FIGN: variants seen among roughly 807,000 people sequenced by gnomAD.
FIGN encodes fidgetin, microtubule severing factor.
A neutral mutation model predicts 51.3 loss-of-function variants in FIGN; 11 were observed. That is an observed-to-expected ratio of 0.21 (90% CI 0.13 to 0.35). The LOEUF is 0.35. Ranked by LOEUF, FIGN falls within the 10% of genes least tolerant of loss-of-function variation. The probability of loss-of-function intolerance (pLI) is 1.00; values close to 1 mark genes in which losing one functional copy is unlikely to be tolerated. For missense variants in FIGN, 857 were observed against 943.6 expected (o/e 0.91, Z 1.20); for synonymous variants, 407 against 363.2 (o/e 1.12, Z -1.37).
chr2:163,715,244 T>C (rs1487308770), intron 2 of FIGN, among the ~76,000 whole-genome samples: 1 of 152,164 alleles, frequency 6.6e-6, no homozygotes, highest in African/African-American at 2.4e-5. Context: ...AATGCCTCAG[T>C]ACTCGAGCTC....
intron 2 of FIGN, among the ~76,000 whole-genome samples, chr2:163,732,761 G>T (rs1189488070): frequency 2.6e-5 from 4 of 152,096 alleles, no homozygotes; most frequent in Non-Finnish European, 5.9e-5. Context: ...TTAAATTTAG[G>T]ATCAAAAACA....
At chr2:163,654,561 AACTTGTAAGC>A (rs1683529081) in intron 2 of FIGN, among the ~76,000 whole-genome samples, 1 of 152,258 alleles carries the variant, frequency 6.6e-6, no homozygotes, top group Middle Eastern at 3.4e-3. Flanking sequence ...TGTTCTATTT[AACTTGTAAGC>A]ACCAATAAGA....
chr2:163,707,952 TTTTAAGC>T (rs1490696044), intron 2 of FIGN, among the ~76,000 whole-genome samples: 1 of 152,224 alleles, frequency 6.6e-6, no homozygotes, highest in African/African-American at 2.4e-5. Context: ...ACATAACTAT[TTTTAAGC>T]CACATTGTGA....
intron 2 of FIGN, among the ~76,000 whole-genome samples, chr2:163,727,899 G>A (rs572857590): frequency 2.0e-5 from 3 of 152,140 alleles, no homozygotes; most frequent in East Asian, 1.9e-4. Context: ...GGGAAGCAAC[G>A]ATGTAAATGT....
intron 2 of FIGN, among the ~76,000 whole-genome samples, chr2:163,684,093 A>G (rs999016316): frequency 9.9e-5 from 15 of 152,162 alleles, no homozygotes; most frequent in African/African-American, 3.6e-4. Flanking sequence ...TGTAAATGCT[A>G]TACTTCAAGA....
At chr2:163,660,570 C>T (rs1042978149) in intron 2 of FIGN, among the ~76,000 whole-genome samples, 1 of 150,432 alleles carries the variant, frequency 6.6e-6, no homozygotes, top group Non-Finnish European at 1.5e-5. Context: ...CATGTTGCAA[C>T]ACAGCAAATA....
At chr2:163,661,427 GCT>G (rs1683681499) in intron 2 of FIGN, among the ~76,000 whole-genome samples, 1 of 151,072 alleles carries the variant, frequency 6.6e-6, no homozygotes, top group African/African-American at 2.4e-5. Flanking sequence ...ATGGAGTTTC[GCT>G]CTCATCACCC....
At chr2:163,721,001 GGGAA>G (rs1243158324) in intron 2 of FIGN, among the ~76,000 whole-genome samples, 2 of 151,944 alleles carry the variant, frequency 1.3e-5, no homozygotes, top group Non-Finnish European at 2.9e-5. Context: ...TAAAAAGAAA[GGGAA>G]GGAAGGAGGA....
At chr2:163,656,257 T>C (rs540779448) in intron 2 of FIGN, among the ~76,000 whole-genome samples, 125 of 152,196 alleles carry the variant, frequency 8.2e-4, no homozygotes, top group Non-Finnish European at 1.3e-3. Flanking sequence ...TGCTAATGAA[T>C]GATAATCTTA....
At chr2:163,631,359 G>A (rs1683142875) in intron 2 of FIGN, among the ~76,000 whole-genome samples, 1 of 152,212 alleles carries the variant, frequency 6.6e-6, no homozygotes, top group Admixed American at 6.5e-5. Flanking sequence ...GATGGATGAT[G>A]CGAACTTTGT....
chr2:163,660,789 ATG>A (rs1683648994), intron 2 of FIGN, among the ~76,000 whole-genome samples: 2 of 106,900 alleles, frequency 1.9e-5, no homozygotes, highest in Non-Finnish European at 3.7e-5. Flanking sequence ...ATACATATAT[ATG>A]TATATAGATA....
rs1691096487 is a variant in FIGN, at chr2:163,605,710, C to T, written c.*3842G>A. The T allele has an allele frequency of 6.6e-6, 1 of 151,848 alleles. No homozygotes were observed. Among genetic ancestry groups the T allele is most frequent in the African/African-American group, 2.4e-5 (1 of 41,330 alleles). The allele number at this position is 151,848 out of a possible 1,614,324, so 9.4% of individuals were successfully genotyped here. A position where few individuals can be genotyped will look rare whatever the true frequency, so the allele number is the denominator to read the frequency against. Reference sequence around the variant, plus strand: ...AACAAGCTGCGTCCCTTTCACTTTGCAAAATACAGATTCAATGATCATGCT... The same window carrying T: ...AACAAGCTGCGTCCCTTTCACTTTGTAAAATACAGATTCAATGATCATGCT... On this transcript the variant is annotated 3_prime_UTR_variant, in exon 3 of 3. Coordinates refer to ENST00000333129, the MANE Select transcript of FIGN (RefSeq NM_018086.4).
chr2:163,714,569 G>A (rs1450991400), intron 2 of FIGN, among the ~76,000 whole-genome samples: 3 of 152,170 alleles, frequency 2.0e-5, no homozygotes, highest in East Asian at 3.8e-4. Flanking sequence ...CTCCTGGTCT[G>A]ATTACCTAGA....
At chr2:163,626,298 G>A (rs915301032) in intron 2 of FIGN, among the ~76,000 whole-genome samples, 6 of 151,866 alleles carry the variant, frequency 4.0e-5, no homozygotes, top group Admixed American at 6.6e-5. Context: ...AAAAAACAGC[G>A]GATAAAACTA....
chr2:163,645,270 A>C (rs746688247), intron 2 of FIGN, among the ~76,000 whole-genome samples: 1 of 152,156 alleles, frequency 6.6e-6, no homozygotes, highest in Non-Finnish European at 1.5e-5. Flanking sequence ...TGCCTAGATC[A>C]TGAAAGCGGA....
chr2:163,664,567 G>A (rs1683742627), intron 2 of FIGN, among the ~76,000 whole-genome samples: 1 of 152,084 alleles, frequency 6.6e-6, no homozygotes, highest in African/African-American at 2.4e-5. Context: ...ATTTATAAGG[G>A]CAGCCAGTAG....
chr2:163,676,827 C>T (rs1374695241), intron 2 of FIGN, among the ~76,000 whole-genome samples: 3 of 151,986 alleles, frequency 2.0e-5, no homozygotes, highest in Non-Finnish European at 4.4e-5. Flanking sequence ...AGATATGTAC[C>T]TCATCACAAT....
At chr2:163,716,486 C>A (rs1684669812) in intron 2 of FIGN, among the ~76,000 whole-genome samples, 1 of 152,154 alleles carries the variant, frequency 6.6e-6, no homozygotes, top group Non-Finnish European at 1.5e-5. Flanking sequence ...CAGTTGGATT[C>A]CCTACCATTA....
intron 2 of FIGN, among the ~76,000 whole-genome samples, chr2:163,649,820 G>A (rs1311669619): frequency 6.6e-6 from 1 of 152,230 alleles, no homozygotes; most frequent in East Asian, 1.9e-4. Flanking sequence ...ATGATAAAAT[G>A]TTAGTAACTG....
Sources: gnomAD v4.1 joint callset for allele counts (sites outside exome capture counted in the v4.1 genomes callset) on GRCh38, gnomAD v4.1.1 for gene constraint, MANE v1.5 for transcripts, NCBI Gene and HGNC (gene_info 2026-07-23, HGNC 2026-07-21) for gene names.